Variants in MBD5 observed in about 807,000 individuals in gnomAD.
MBD5 encodes methyl-CpG binding domain protein 5, also known as methyl-CpG-binding domain protein 5.
MBD5 carries 13 observed loss-of-function variants against 117.3 expected under a neutral mutation model. The ratio of observed to expected loss-of-function variants is 0.11; its 90% CI spans 0.07 to 0.18. MBD5 has a LOEUF of 0.18. Among genes scored for constraint, MBD5 ranks in the 10% least tolerant of loss-of-function variants. MBD5 has a pLI of 1.00. For missense variants in MBD5, 1,879 were observed against 2,093.8 expected, an observed-to-expected ratio of 0.90 and a Z score of 2.00; for synonymous variants, 727 against 766.4, an observed-to-expected ratio of 0.95 and a Z score of 0.85.
chr2:148,096,468 A>C (rs1696071209), intron 1 of MBD5, among the ~76,000 whole-genome samples: 1 of 152,188 alleles, frequency 6.6e-6, no homozygotes, highest in Non-Finnish European at 1.5e-5. Context: ...AGTGATGTAC[A>C]TCTCTCATTT....
At chr2:148,215,417 G>T (rs531489155) in intron 2 of MBD5, among the ~76,000 whole-genome samples, 11 of 152,310 alleles carry the variant, frequency 7.2e-5, no homozygotes, top group African/African-American at 2.4e-4. Context: ...GATTATGAAA[G>T]ATATCTACTT....
intron 3 of MBD5, among the ~76,000 whole-genome samples, chr2:148,334,152 G>T (rs1293247908): frequency 6.6e-6 from 1 of 151,986 alleles, no homozygotes; most frequent in Non-Finnish European, 1.5e-5. Context: ...AGCACTGGCT[G>T]TCACCAATTC....
At chr2:148,033,316 A>T (rs184056347) in intron 1 of MBD5, among the ~76,000 whole-genome samples, 7 of 152,218 alleles carry the variant, frequency 4.6e-5, no homozygotes, top group African/African-American at 1.4e-4. Flanking sequence ...GTTAGAAGTG[A>T]TTATAAATTG....
intron 4 of MBD5, among the ~76,000 whole-genome samples, chr2:148,350,818 C>T (rs1209540301): frequency 6.6e-6 from 1 of 151,994 alleles, no homozygotes; most frequent in Non-Finnish European, 1.5e-5. Context: ...TAGTGAGACA[C>T]AATTTCTTAC....
intron 7 of MBD5, among the ~76,000 whole-genome samples, chr2:148,464,921 G>A (rs571594051): frequency 1.3e-5 from 2 of 151,366 alleles, no homozygotes; most frequent in African/African-American, 4.8e-5. Context: ...AGTGAGCCAT[G>A]ATCACACCAC....
At chr2:148,325,648 A>G (rs536254595) in intron 3 of MBD5, among the ~76,000 whole-genome samples, 7 of 152,058 alleles carry the variant, frequency 4.6e-5, no homozygotes, top group Admixed American at 2.6e-4. Flanking sequence ...ATTCTCTGAT[A>G]GTAGTTTGTA....
chr2:148,328,897 T>C (rs1341756854), intron 3 of MBD5, among the ~76,000 whole-genome samples: 1 of 152,248 alleles, frequency 6.6e-6, no homozygotes, highest in Non-Finnish European at 1.5e-5. Context: ...GCATCTTTAA[T>C]TAAAGTTATC....
intron 1 of MBD5, among the ~76,000 whole-genome samples, chr2:148,063,236 G>A (rs1377351870): frequency 6.6e-6 from 1 of 152,116 alleles, no homozygotes; most frequent in Non-Finnish European, 1.5e-5. Flanking sequence ...CATTAGTTTT[G>A]AATTTGTCTT....
At chr2:148,402,033 A>G (rs1472152790) in intron 4 of MBD5, among the ~76,000 whole-genome samples, 1 of 152,040 alleles carries the variant, frequency 6.6e-6, no homozygotes, top group Admixed American at 6.6e-5. Flanking sequence ...TCGGTGCTTT[A>G]TAGTAGGGTC....
chr2:148,335,013 G>A (rs1186226171), intron 3 of MBD5, among the ~76,000 whole-genome samples: 2 of 152,074 alleles, frequency 1.3e-5, no homozygotes, highest in African/African-American at 4.8e-5. Context: ...ATAACTAGTA[G>A]TCATATATTA....
At chr2:148,109,874 A>G (rs997782503) in intron 1 of MBD5, among the ~76,000 whole-genome samples, 1 of 152,172 alleles carries the variant, frequency 6.6e-6, no homozygotes. Flanking sequence ...TATATGGTTA[A>G]AATTATTTTG....
intron 4 of MBD5, among the ~76,000 whole-genome samples, chr2:148,450,707 C>G (rs555953127): frequency 3.5e-4 from 53 of 152,234 alleles, no homozygotes; most frequent in African/African-American, 1.3e-3. Flanking sequence ...TTCCACTGGT[C>G]AAAGCAAATC....
intron 4 of MBD5, among the ~76,000 whole-genome samples, chr2:148,343,416 C>T (rs13411082): frequency 0.15 from 23,149 of 152,032 alleles, 2,120 homozygotes; most frequent in Non-Finnish European, 0.18. Flanking sequence ...TCCCTTTTCT[C>T]CACAGCCTCA....
chr2:148,047,857 G>GAACA (rs1338108943), intron 1 of MBD5, among the ~76,000 whole-genome samples: 1 of 152,182 alleles, frequency 6.6e-6, no homozygotes, highest in Non-Finnish European at 1.5e-5. Context: ...TAGACTAAGA[G>GAACA]AACAGCATGT....
intron 3 of MBD5, among the ~76,000 whole-genome samples, chr2:148,304,616 A>C (rs2106494290): frequency 6.6e-6 from 1 of 152,314 alleles, no homozygotes. Flanking sequence ...TGGGGACTGC[A>C]GTGGGAGAGA....
At chr2:148,424,338 C>T (rs1705711463) in intron 4 of MBD5, among the ~76,000 whole-genome samples, 1 of 151,678 alleles carries the variant, frequency 6.6e-6, no homozygotes, top group Admixed American at 6.6e-5. Context: ...AGCTAATTAT[C>T]CTAAATATAT....
At position 148,117,325 on chromosome 2, in the gene MBD5, T is replaced by TAA. The variant is rs202242983; in HGVS notation, c.-924-61364_-924-61363dup. ...AGTTCTTTCTTCTTTCCTTTTTCAA[T>TAA]AAAAAAAAAAAATGGAGTTTCCTCA... On this transcript the variant is annotated intron_variant, in intron 1 of 13. Transcript: ENST00000642680. Among the ~76,000 whole-genome samples the TAA allele has an allele frequency of 1.4e-3, 199 of 144,010 alleles. 1 individual carries two copies. Among genetic ancestry groups the TAA allele is most frequent in the Middle Eastern group, 0.011 (3 of 282 alleles). 94.5% of individuals were successfully genotyped at this position (144,010 alleles called of 152,430 possible). A position where few individuals can be genotyped will look rare whatever the true frequency, so the allele number is the denominator to read the frequency against.
rs1291705282 is a variant in MBD5, at chr2:148,145,142, TCTC to T, written c.-924-33555_-924-33553del. On this transcript the variant is annotated intron_variant, in intron 1 of 13. Transcript: ENST00000642680. ...ATTTCGTTGAGCAGTTGTTTGTAGT[TCTC>T]CTTGAAGAGGTCCTTCACATCCCTT... is the stretch of plus-strand genomic sequence containing the variant. Among the ~76,000 whole-genome samples the T allele has an allele frequency of 1.1e-4, 13 of 123,782 alleles. No individual in the cohort carries two copies. The South Asian group carries it at 3.2e-3, about 30-fold the overall frequency. The allele number at this position is 123,782 out of a possible 152,430, so 81.2% of individuals were successfully genotyped here.
chr2:148,469,778 G>A lies in MBD5; in HGVS notation c.1835G>A (p.Gly612Asp), dbSNP rs1423957957. ...SSNSGAVAGS[G>D]NTEGHSTLNT... is the part of the protein sequence containing the mutation. Reference sequence around the variant, plus strand: ...AATTCTGGAGCTGTTGCCGGCAGTGGCAACACTGAAGGACATAGCACTTTA... The same window carrying A: ...AATTCTGGAGCTGTTGCCGGCAGTGACAACACTGAAGGACATAGCACTTTA... The change falls in exon 8 of 14, where the codon GGC (glycine) becomes GAC (aspartate). Residue 612 changes from glycine (G) to aspartate (D), a missense_variant. Around this residue, in one of 4 missense-constraint regions of MBD5, gnomAD observed 1,666 missense variants for 1,792.2 expected, o/e 0.93. Transcript: ENST00000642680. The A allele has an allele frequency of 1.2e-6, 2 of 1,613,958 alleles. No individual in the cohort carries two copies. The highest frequency in any genetic ancestry group is 1.1e-5 in the South Asian group (1 of 91,082).
Sources: allele counts gnomAD v4.1 joint callset (sites outside exome capture counted in the v4.1 genomes callset), GRCh38; gene constraint gnomAD v4.1.1; regional missense constraint gnomAD v4.1.1; transcripts MANE v1.5; gene names NCBI Gene and HGNC (gene_info 2026-07-23, HGNC 2026-07-21).